The following COL27A1 variants were observed in gnomAD, a reference collection of about 807,000 sequenced individuals.
COL27A1 encodes the protein collagen alpha-1(XXVII) chain.
A neutral mutation model predicts 251.3 loss-of-function variants in COL27A1; 106 were observed. That is an observed-to-expected ratio of 0.42 (90% CI 0.36 to 0.50). The LOEUF (loss-of-function observed/expected upper bound fraction) is 0.50. Ranked by LOEUF, COL27A1 falls within the 20% of genes least tolerant of loss-of-function variation. The pLI is 0.00. For missense variants in COL27A1, 2,325 were observed against 2,522.8 expected (o/e 0.92, Z 1.68); for synonymous variants, 1,000 against 986.3 (o/e 1.01, Z -0.26).
intron 48 of COL27A1, among the ~76,000 whole-genome samples, chr9:114,291,759 A>T (rs1221716504): frequency 6.6e-6 from 1 of 152,168 alleles, no homozygotes; most frequent in Non-Finnish European, 1.5e-5. Flanking sequence ...AAAAAATAAA[A>T]ATAAATAAAT....
chr9:114,174,704 CA>C (rs1401026335), intron 3 of COL27A1, among the ~76,000 whole-genome samples: 1 of 152,176 alleles, frequency 6.6e-6, no homozygotes, highest in African/African-American at 2.4e-5. Flanking sequence ...CACAGCTGGA[CA>C]AACTAAGGCC....
intron 12 of COL27A1, among the ~76,000 whole-genome samples, chr9:114,215,584 G>A (rs1830662816): frequency 6.6e-6 from 1 of 152,188 alleles, no homozygotes; most frequent in African/African-American, 2.4e-5. Context: ...GGAAAGTTCA[G>A]GGGTCTTTCC....
intron 44 of COL27A1, 51 bp downstream of exon 44, chr9:114,289,018 A>G: frequency 1.2e-6 from 2 of 1,601,952 alleles, no homozygotes; most frequent in Non-Finnish European, 1.7e-6. Flanking sequence ...AGTGGGGCGG[A>G]GCAGTGGGAA....
chr9:114,234,678 CAA>C (rs1554810185), intron 16 of COL27A1, among the ~76,000 whole-genome samples: 1 of 152,180 alleles, frequency 6.6e-6, no homozygotes, highest in African/African-American at 2.4e-5. Flanking sequence ...TGTTAGAAGA[CAA>C]ACACCCAGAC....
At chr9:114,156,119 C>T (rs2134977527) in intron 1 of COL27A1, 107 bp downstream of exon 1, 2 of 1,271,472 alleles carry the variant, frequency 1.6e-6, no homozygotes, top group Middle Eastern at 2.1e-4. Context: ...ACGTCAGCTT[C>T]CTGCCCCTTC....
At chr9:114,300,202 A>G in intron 50 of COL27A1, 79 bp downstream of exon 50, 1 of 1,418,010 alleles carries the variant, frequency 7.1e-7, no homozygotes, top group Non-Finnish European at 9.9e-7. Context: ...TTCAACAAAT[A>G]TTTATGGAGC....
chr9:114,190,429 C>A (rs1282322829), intron 5 of COL27A1, among the ~76,000 whole-genome samples: 1 of 152,184 alleles, frequency 6.6e-6, no homozygotes, highest in African/African-American at 2.4e-5. Context: ...CACCACCACA[C>A]CCAGCTAAAT....
Position 114,301,756 on chromosome 9 carries a change from G to T in COL27A1, c.4845+39G>T, listed in dbSNP as rs576119485. 2.5e-6 allele frequency: 4 copies of T among 1,598,854 alleles called. No individual in the cohort carries two copies. The East Asian group carries it at 6.7e-5, about 27-fold the overall frequency. ...TGCTGGGTGCATCTTGGACTCCTGG[G>T]GGGTTCCTTTGAAGGAGATTCAAGG... On this transcript the variant is annotated intron_variant, in intron 55 of 60. Coordinates refer to ENST00000356083, the MANE Select transcript of COL27A1 (RefSeq NM_032888.4).
chr9:114,300,844 C>A (rs1828569123), intron 51 of COL27A1, among the ~76,000 whole-genome samples, 157 bp downstream of exon 51: 1 of 152,222 alleles, frequency 6.6e-6, no homozygotes. Context: ...GCCGTTCCCA[C>A]CAGCTCAGCC....
intron 3 of COL27A1, among the ~76,000 whole-genome samples, chr9:114,176,690 C>T (rs1827477210): frequency 6.6e-6 from 1 of 152,206 alleles, no homozygotes; most frequent in African/African-American, 2.4e-5. Flanking sequence ...CCCTGGAACT[C>T]TGCCGCCAAT....
intron 8 of COL27A1, 114 bp from the exon 9 acceptor site, chr9:114,205,645 T>A (rs958037896): frequency 3.1e-6 from 3 of 981,398 alleles, no homozygotes; most frequent in Non-Finnish European, 3.3e-6. Context: ...CTGTTCCATC[T>A]CACATTCCTG....
rs1231368980 is a variant in COL27A1, at chr9:114,310,745, A to C, written c.*50A>C. On this transcript the variant is annotated 3_prime_UTR_variant, in exon 61 of 61. Coordinates refer to ENST00000356083, the MANE Select transcript of COL27A1 (RefSeq NM_032888.4). ...GCCTCACGGAGGAGGGAAGAGGAAG[A>C]GGCAAGGGGAGGGTACTGAGGGGCA... The C allele has an allele frequency of 3.1e-6, 5 of 1,603,214 alleles. No homozygotes were observed. Among genetic ancestry groups the C allele is most frequent in the Non-Finnish European group, 4.3e-6 (5 of 1,172,314 alleles).
At chr9:114,250,868 A>G (rs77626128) in intron 25 of COL27A1, among the ~76,000 whole-genome samples, 200 bp downstream of exon 25, 1,603 of 152,220 alleles carry the variant, frequency 0.011, 31 homozygotes, top group African/African-American at 0.037. Context: ...TACTGTCATC[A>G]GCCTCAAGCA....
chr9:114,290,978 A>G lies in COL27A1; in HGVS notation c.4476+61A>G. On this transcript the variant is annotated intron_variant, in intron 48 of 60. Transcript: ENST00000356083. The surrounding 1 kb of genome is among the most constrained non-coding windows in gnomAD (Gnocchi z 4.6). ...CCCTTTCTGCCTTGATGCAGACTCT[A>G]GTGGTTCCGACCCTTTGGGCACCCA... 2 of 1,292,292 alleles carry G rather than the reference A, an allele frequency of 1.5e-6. No homozygotes were observed. The highest frequency in any genetic ancestry group is 2.7e-5 in the South Asian group (2 of 73,308). 80.1% of individuals were successfully genotyped at this position (1,292,292 alleles called of 1,614,324 possible).
chr9:114,225,285 G>T (rs1361900014), intron 14 of COL27A1, among the ~76,000 whole-genome samples: 23 of 152,344 alleles, frequency 1.5e-4, no homozygotes, highest in Middle Eastern at 3.4e-3. Context: ...TGAGCAGCCT[G>T]CACTGGGGGC....
intron 13 of COL27A1, among the ~76,000 whole-genome samples, chr9:114,220,930 G>A (rs1282684525): frequency 6.6e-6 from 1 of 151,424 alleles, no homozygotes; most frequent in East Asian, 1.9e-4. Flanking sequence ...AGGAGGTGGA[G>A]GTTGCAGTGA....
At chr9:114,271,070 C>G (rs563743971) in intron 36 of COL27A1, 1 of 435,254 alleles carries the variant, frequency 2.3e-6, no homozygotes, top group South Asian at 3.6e-5. Context: ...GATTCCTGAG[C>G]ACCGGCACTA....
chr9:114,182,431 A>G (rs1828002655), intron 4 of COL27A1, among the ~76,000 whole-genome samples: 1 of 151,194 alleles, frequency 6.6e-6, no homozygotes, highest in Non-Finnish European at 1.5e-5. Flanking sequence ...CCCGGAGGAG[A>G]TGGCACTTTG....
chr9:114,207,509 G>A (rs1257453544), intron 10 of COL27A1, among the ~76,000 whole-genome samples: 3 of 152,234 alleles, frequency 2.0e-5, no homozygotes, highest in African/African-American at 7.2e-5. Context: ...GGACAGGCAT[G>A]TTAATGACAT....
Sources: gnomAD v4.1 joint callset for allele counts (sites outside exome capture counted in the v4.1 genomes callset) on GRCh38, gnomAD v4.1.1 for gene constraint, Gnocchi (gnomAD v3.1) non-coding constraint, MANE v1.5 for transcripts, NCBI Gene and HGNC (gene_info 2026-07-23, HGNC 2026-07-21) for gene names.